HELZ: variants seen among roughly 807,000 people sequenced by gnomAD.
HELZ encodes helicase with zinc finger, also known as ATP-dependent RNA helicase with zinc finger domain.
In HELZ, 23 loss-of-function variants were observed where a neutral mutation model predicts 218.2. That is an observed-to-expected ratio of 0.11 (90% CI 0.08 to 0.15). The LOEUF is 0.15. Ranked by LOEUF, HELZ falls within the 10% of genes least tolerant of loss-of-function variation. The pLI is 1.00. For synonymous variants in HELZ, 814 were observed against 829.4 expected, an observed-to-expected ratio of 0.98 and a Z score of 0.32; for missense variants, 1,813 against 2,353.7, an observed-to-expected ratio of 0.77 and a Z score of 4.75.
intron 12 of HELZ, among the ~76,000 whole-genome samples, chr17:67,184,686 T>A (rs1260419852): frequency 6.6e-6 from 1 of 151,998 alleles, no homozygotes; most frequent in African/African-American, 2.4e-5. Context: ...CATGGTGGTG[T>A]GCACTGATAG....
In HELZ at chr17:67,089,694, G is replaced by GAGAC. The variant is rs1555595480; in HGVS notation, c.5242-2614_5242-2613insGTCT. The stretch of plus-strand genomic sequence containing the variant: ...AGAGAGAGAGAGAGAGAGAGAGAGA[G>GAGAC]AGAGAGACAGAGAGACAGAGAGAGA... On this transcript the variant is annotated intron_variant, in intron 31 of 32. Coordinates refer to ENST00000358691, the MANE Select transcript of HELZ (RefSeq NM_014877.4). 7.9e-3 allele frequency among the ~76,000 whole-genome samples: 791 copies of GAGAC among 100,670 alleles called. 9 individuals carry two copies. The highest frequency in any genetic ancestry group is 0.027 in the African/African-American group (650 of 24,358). 66.0% of individuals were successfully genotyped at this position (100,670 alleles called of 152,430 possible). A position where few individuals can be genotyped will look rare whatever the true frequency, so the allele number is the denominator to read the frequency against.
Position 67,149,922 on chromosome 17 carries a change from G to A in HELZ, c.2420C>T (p.Pro807Leu). Residue 807 changes from proline (P) to leucine (L), a missense_variant, in exon 19 of 33, where the codon CCT becomes CTT. Physicochemically the swap from Pro to Leu is moderately conservative, Grantham distance 98. Transcript: ENST00000358691. Reference sequence around the variant, plus strand: ...AGTGTTTTGAGTTGCTAATGCTAGAGGCATAATGGTTTCACACTCCATGGC... The same window carrying A: ...AGTGTTTTGAGTTGCTAATGCTAGAAGCATAATGGTTTCACACTCCATGGC... ...AQAMECETIMPLALATQNTRI... is the reference protein window; with the variant it reads ...AQAMECETIMLLALATQNTRI... 1.2e-6 allele frequency: 2 copies of A among 1,611,288 alleles called. No homozygotes were observed. Among genetic ancestry groups the A allele is most frequent in the Non-Finnish European group, 1.7e-6 (2 of 1,178,508 alleles).
chr17:67,230,336 G>A (rs2041002879), intron 3 of HELZ, among the ~76,000 whole-genome samples: 1 of 152,134 alleles, frequency 6.6e-6, no homozygotes, highest in Admixed American at 6.6e-5. Context: ...AGTGGCTCAT[G>A]CCTGTAATCC....
Position 67,245,150 on chromosome 17 carries a change from G to A in HELZ, c.-134C>T. ...AGAAGGGGGAAGTCAGGACTTACCT[G>A]TCATTACTTTCTACGCCATCTTGGA... On this transcript the variant is annotated splice_region_variant and 5_prime_UTR_variant, in exon 1 of 33. Transcript: ENST00000358691. The A allele has an allele frequency of 1.0e-6, 1 of 985,180 alleles. No individual in the cohort carries two copies. The highest frequency in any genetic ancestry group is 4.7e-5 in the South Asian group (1 of 21,288). The allele number at this position is 985,180 out of a possible 1,614,324, so 61.0% of individuals were successfully genotyped here. A position where few individuals can be genotyped will look rare whatever the true frequency, so the allele number is the denominator to read the frequency against.
At chr17:67,160,626 T>TA (rs1213486279) in intron 16 of HELZ, among the ~76,000 whole-genome samples, 1 of 152,204 alleles carries the variant, frequency 6.6e-6, no homozygotes. Context: ...CTCTAATAGA[T>TA]ACCACAATTC....
At chr17:67,121,884 G>A (rs2037620819) in intron 26 of HELZ, among the ~76,000 whole-genome samples, 1 of 152,148 alleles carries the variant, frequency 6.6e-6, no homozygotes. Context: ...ATCCAAGCCT[G>A]TGTCCTGTAT....
chr17:67,173,071 G>A, intron 13 of HELZ: 2 of 975,084 alleles, frequency 2.1e-6, no homozygotes, highest in Non-Finnish European at 2.4e-6. Flanking sequence ...TTGAGGTAGA[G>A]GCACCAGAAG....
chr17:67,245,181 T>A lies in HELZ; in HGVS notation c.-165A>T. ...ACTTTCTACGCCATCTTGGATCCAC[T>A]TGTCAACGTCCCCACAAAGCATTAT... On this transcript the variant is annotated 5_prime_UTR_variant, in exon 1 of 33. The change creates a new upstream start codon in the 5' untranslated region. Coordinates refer to ENST00000358691, the MANE Select transcript of HELZ (RefSeq NM_014877.4). The A allele has an allele frequency of 1.0e-6, 1 of 985,156 alleles. No homozygotes were observed. Among genetic ancestry groups the A allele is most frequent in the Non-Finnish European group, 1.2e-6 (1 of 829,872 alleles). The allele number at this position is 985,156 out of a possible 1,614,324, so 61.0% of individuals were successfully genotyped here.
chr17:67,193,286 G>A (rs903226689), intron 9 of HELZ, among the ~76,000 whole-genome samples: 6 of 149,344 alleles, frequency 4.0e-5, no homozygotes, highest in Non-Finnish European at 4.4e-5. Context: ...CAGAGATTGC[G>A]GTGAGCTGTG....
intron 12 of HELZ, among the ~76,000 whole-genome samples, chr17:67,186,120 C>A (rs1182379643): frequency 6.6e-6 from 1 of 151,654 alleles, no homozygotes; most frequent in Admixed American, 6.6e-5. Context: ...GCACCCTAGT[C>A]CGAGTCCTCA....
chr17:67,235,580 A>G (rs187756893), intron 3 of HELZ, among the ~76,000 whole-genome samples: 46 of 152,132 alleles, frequency 3.0e-4, no homozygotes, highest in African/African-American at 1.1e-3. Flanking sequence ...TCCTGCTTCA[A>G]CCCAGCACAT....
chr17:67,234,292 CAA>C (rs149931184), intron 3 of HELZ, among the ~76,000 whole-genome samples: 176 of 83,142 alleles, frequency 2.1e-3, no homozygotes, highest in African/African-American at 4.3e-3. Flanking sequence ...CACTGTACTC[CAA>C]AAAAAAAAAA....
intron 19 of HELZ, among the ~76,000 whole-genome samples, chr17:67,149,189 T>C (rs1009221208): frequency 6.6e-6 from 1 of 152,170 alleles, no homozygotes; most frequent in Admixed American, 6.5e-5. Context: ...GTTATGCCTT[T>C]TACTACTAAA....
chr17:67,082,350 C>A (rs1966464431), intron 32 of HELZ, among the ~76,000 whole-genome samples: 1 of 152,168 alleles, frequency 6.6e-6, no homozygotes, highest in African/African-American at 2.4e-5. Flanking sequence ...AAAACCCAAA[C>A]CACAATGGTT....
chr17:67,192,975 T>C (rs1043476258), intron 9 of HELZ, among the ~76,000 whole-genome samples: 7 of 152,206 alleles, frequency 4.6e-5, no homozygotes, highest in Admixed American at 4.6e-4. Flanking sequence ...CATTTCTTTA[T>C]CTATTTTATG....
intron 17 of HELZ, among the ~76,000 whole-genome samples, chr17:67,158,705 T>G (rs976987354): frequency 2.6e-5 from 4 of 152,172 alleles, no homozygotes; most frequent in Non-Finnish European, 4.4e-5. Context: ...TAAGTCTCTC[T>G]GTAAGTTAAA....
At chr17:67,102,566 A>T (rs1567801198) in intron 31 of HELZ, among the ~76,000 whole-genome samples, 1 of 152,192 alleles carries the variant, frequency 6.6e-6, no homozygotes, top group Non-Finnish European at 1.5e-5. Context: ...CCATAGTGGG[A>T]GGGAAAAGCC....
At chr17:67,148,495 G>C (rs191220496) in intron 20 of HELZ, 74 bp downstream of exon 20, 99 of 1,242,226 alleles carry the variant, frequency 8.0e-5, no homozygotes, top group Middle Eastern at 2.0e-4. Context: ...GTCCCTAGCA[G>C]CAGTGCTGTT....
intron 31 of HELZ, among the ~76,000 whole-genome samples, chr17:67,102,256 C>T (rs1007764608): frequency 5.9e-5 from 9 of 152,122 alleles, no homozygotes; most frequent in Non-Finnish European, 1.2e-4. Flanking sequence ...TTCAAGTTTT[C>T]CCAACAAATA....
Sources: allele counts gnomAD v4.1 joint callset (sites outside exome capture counted in the v4.1 genomes callset), GRCh38; gene constraint gnomAD v4.1.1; transcripts MANE v1.5; gene names NCBI Gene and HGNC (gene_info 2026-07-23, HGNC 2026-07-21).